DUSP15: variants seen among roughly 807,000 people sequenced by gnomAD.
DUSP15 encodes the protein dual specificity phosphatase 15.
DUSP15 carries 23 observed loss-of-function variants against 26.3 expected under a neutral mutation model. The observed-to-expected ratio is 0.87, with a 90% confidence interval of 0.63 to 1.24. DUSP15 has a LOEUF of 1.24. Ranked by LOEUF, DUSP15 falls within the 50% of genes most tolerant of loss-of-function variation. DUSP15 has a pLI of 0.00. For missense variants in DUSP15, 364 were observed against 320.6 expected, an observed-to-expected ratio of 1.14 and a Z score of -1.03; for synonymous variants, 143 against 135.5, an observed-to-expected ratio of 1.06 and a Z score of -0.39.
intron 2 of DUSP15, among the ~76,000 whole-genome samples, chr20:31,869,358 GCTCC>G (rs2062857807): frequency 6.6e-6 from 1 of 152,196 alleles, no homozygotes; most frequent in African/African-American, 2.4e-5. Context: ...AGGCCCCCAT[GCTCC>G]CTCCATGTCC....
chr20:31,870,521 G>T lies in DUSP15; in HGVS notation c.-184C>A. The T allele has an allele frequency of 7.0e-7, 1 of 1,438,788 alleles. No homozygotes were observed. The highest frequency in any genetic ancestry group is 9.1e-7 in the Non-Finnish European group (1 of 1,099,370). 89.1% of individuals were successfully genotyped at this position (1,438,788 alleles called of 1,614,324 possible). On this transcript the variant is annotated 5_prime_UTR_variant, in exon 1 of 7. Coordinates refer to ENST00000339738, the MANE Select transcript of DUSP15 (RefSeq NM_080611.5). The surrounding 1 kb of genome is among the most constrained non-coding windows in gnomAD (Gnocchi z 6.6). ...CCGCCCGCCGACCCCCGGCCCGGGA[G>T]GGAAATGGTGGTGGAGCCGCCGCTG...
At chr20:31,846,017 G>T (rs1324098140), downstream of DUSP15, among the ~76,000 whole-genome samples, 1 of 151,912 alleles carries the variant, frequency 6.6e-6, no homozygotes. Flanking sequence ...AGACACAACG[G>T]ACAGAGACAC....
In DUSP15 at chr20:31,861,415, C is replaced by A. The variant is rs2062646771; in HGVS notation, c.696G>T (p.Lys232Asn). 2 of 1,558,690 alleles carry A rather than the reference C, an allele frequency of 1.3e-6. No individual in the cohort carries two copies. The highest frequency in any genetic ancestry group is 2.5e-5 in the East Asian group (1 of 40,728). The change falls in exon 7 of 7, where the codon AAG becomes AAT. Residue 232 changes from lysine (K) to asparagine (N), a missense_variant. Coordinates refer to ENST00000339738, the MANE Select transcript of DUSP15 (RefSeq NM_080611.5). The part of the protein sequence containing the change: ...FSCLPRCLSR[K>N]GGK ...CTGGACTGCATCCTCACTTGCCGCC[C>A]TTGCGGGACAGACACCGGGGGAGGC...
In DUSP15 at chr20:31,870,343, CG is replaced by C. The variant is rs1176073721; in HGVS notation, c.-7del. The C allele has an allele frequency of 7.8e-7, 1 of 1,275,714 alleles. No homozygotes were observed. The allele number at this position is 1,275,714 out of a possible 1,614,324, so 79.0% of individuals were successfully genotyped here. On this transcript the variant is annotated 5_prime_UTR_variant, in exon 1 of 7. Coordinates refer to ENST00000339738, the MANE Select transcript of DUSP15 (RefSeq NM_080611.5). The surrounding 1 kb of genome is among the most constrained non-coding windows in gnomAD (Gnocchi z 6.6). Reference sequence around the variant, plus strand: ...TTGGTCATGCCATTGCCCATGATCCCGGGGGCGGCGGTCCGGGTGCACCCCC... The same window carrying C: ...TTGGTCATGCCATTGCCCATGATCCCGGGGCGGCGGTCCGGGTGCACCCCC...
downstream of DUSP15, among the ~76,000 whole-genome samples, chr20:31,859,250 T>C (rs545894164): frequency 4.1e-4 from 59 of 145,552 alleles, no homozygotes; most frequent in Middle Eastern, 7.0e-3. Flanking sequence ...TTGGTGGGGG[T>C]CTCTGACCCC....
At chr20:31,848,432 C>T (rs1414038123) in exon 10 of DUSP15, 11 of 1,611,752 alleles carry the variant, frequency 6.8e-6, no homozygotes, top group African/African-American at 1.3e-5. Context: ...GGAAGCGGCT[C>T]GCTTAGGATG....
Position 31,867,062 on chromosome 20 carries a change from A to G in DUSP15, c.138+9T>C, listed in dbSNP as rs778136250. 9.5e-6 allele frequency: 15 copies of G among 1,574,112 alleles called. No homozygotes were observed. In the East Asian group the frequency reaches 3.5e-4, roughly 37 times the overall value. On this transcript the variant is annotated intron_variant, in intron 3 of 6. Coordinates refer to ENST00000339738, the MANE Select transcript of DUSP15 (RefSeq NM_080611.5). The stretch of plus-strand genomic sequence containing the variant: ...CCCCGCATAGCCCTGGGATGGGGGT[A>G]AGAAGTACCTGCAGCAGAGGCTGGG...
chr20:31,851,495 G>GT (rs1568660364), intron 6 of DUSP15, among the ~76,000 whole-genome samples: 1 of 151,928 alleles, frequency 6.6e-6, no homozygotes, highest in Admixed American at 6.5e-5. Context: ...AGAAGATGGG[G>GT]TGGCTGCAGA....
intron 5 of DUSP15, among the ~76,000 whole-genome samples, chr20:31,863,260 C>T (rs201167679): frequency 1.3e-5 from 2 of 152,188 alleles, no homozygotes; most frequent in East Asian, 3.9e-4. Context: ...AAGGGTTAGT[C>T]AGGAACCTTC....
Position 31,864,964 on chromosome 20 carries a change from A to T in DUSP15, c.177T>A (p.Pro59=). The T allele has an allele frequency of 1.9e-6, 3 of 1,613,488 alleles. No individual in the cohort carries two copies. Among genetic ancestry groups the T allele is most frequent in the Non-Finnish European group, 2.5e-6 (3 of 1,179,762 alleles). Residue 59 remains proline (P), a synonymous_variant, in exon 4 of 7, where the codon CCT becomes CCA. Transcript: ENST00000339738. The part of the protein sequence containing the change: ...TYLRIPVADT[P]EVPIKKHFKE... ...CCAGGGGAACTTACATGGGTACCTC[A>T]GGGGTATCAGCGACCGGGATGCGAA...
At chr20:31,847,314 G>A (rs1295056286), downstream of DUSP15, among the ~76,000 whole-genome samples, 1 of 152,182 alleles carries the variant, frequency 6.6e-6, no homozygotes, top group Non-Finnish European at 1.5e-5. Context: ...AGGGGCAGGG[G>A]TAGCGGAGAG....
At chr20:31,848,240 C>A in exon 10 of DUSP15, 3 of 647,220 alleles carry the variant, frequency 4.6e-6, no homozygotes, top group Middle Eastern at 4.2e-4. Context: ...GGCGGTGTGG[C>A]CTACTCTCGA....
At chr20:31,846,744 G>A (rs1282200902), downstream of DUSP15, among the ~76,000 whole-genome samples, 2 of 152,152 alleles carry the variant, frequency 1.3e-5, no homozygotes, top group African/African-American at 2.4e-5. Context: ...AGTGACTGGT[G>A]TGGGAAGGAC....
intron 7 of DUSP15, among the ~76,000 whole-genome samples, chr20:31,850,337 G>T (rs1395800693): frequency 6.6e-6 from 1 of 152,214 alleles, no homozygotes; most frequent in Non-Finnish European, 1.5e-5. Flanking sequence ...GCTTTCCCAG[G>T]GTTACCAGCT....
At position 31,870,046 on chromosome 20, in the gene DUSP15, A is replaced by C; in HGVS notation, c.21+271T>G. 1 of 1,283,138 alleles carries C rather than the reference A, an allele frequency of 7.8e-7. No homozygotes were observed. Among genetic ancestry groups the C allele is most frequent in the Non-Finnish European group, 9.8e-7 (1 of 1,016,586 alleles). 79.5% of individuals were successfully genotyped at this position (1,283,138 alleles called of 1,614,324 possible). On this transcript the variant is annotated intron_variant, in intron 1 of 6. Transcript: ENST00000339738. The surrounding 1 kb of genome is among the most constrained non-coding windows in gnomAD (Gnocchi z 6.6). ...CACATGCAGACGGAGAGCAGGACTC[A>C]CTGGGAGACAGCCTGGGAGTGACAG...
chr20:31,852,885 T>C (rs34355888), intron 6 of DUSP15, among the ~76,000 whole-genome samples: 65,416 of 152,134 alleles, frequency 0.43, 15,655 homozygotes, highest in East Asian at 0.59. Flanking sequence ...GGCGCTCTTG[T>C]TGAAGGCAGA....
chr20:31,853,577 C>T (rs2062510313), intron 6 of DUSP15, among the ~76,000 whole-genome samples: 1 of 151,734 alleles, frequency 6.6e-6, no homozygotes, highest in African/African-American at 2.4e-5. Flanking sequence ...GTCCTAGCTA[C>T]TTGGGAGAGT....
Position 31,861,430 on chromosome 20 carries a change from C to T in DUSP15, c.681G>A (p.Arg227=). The T allele has an allele frequency of 6.4e-7, 1 of 1,560,970 alleles. No individual in the cohort carries two copies. Among genetic ancestry groups the T allele is most frequent in the East Asian group, 2.4e-5 (1 of 41,148 alleles). The part of the protein sequence containing the change: ...RVKQTFSCLP[R]CLSRKGGK ...ACTTGCCGCCCTTGCGGGACAGACA[C>T]CGGGGGAGGCAAGAGAAAGTCTGCT... The change falls in exon 7 of 7, where the codon CGG becomes CGA. Residue 227 remains arginine (R), a synonymous_variant. Transcript: ENST00000339738.
Position 31,865,022 on chromosome 20 carries a change from T to C in DUSP15, c.139-20A>G. ...GATATCCTGCAAGTACAAAATACAC[T>C]CAGGCAGGGGACCTTGCCTGCAACC... On this transcript the variant is annotated intron_variant, in intron 3 of 6. Transcript: ENST00000339738. 1.2e-6 allele frequency: 2 copies of C among 1,613,842 alleles called. No individual in the cohort carries two copies. Among genetic ancestry groups the C allele is most frequent in the Middle Eastern group, 1.7e-4 (1 of 6,060 alleles).
Sources: allele counts gnomAD v4.1 joint callset (sites outside exome capture counted in the v4.1 genomes callset), GRCh38; gene constraint gnomAD v4.1.1; non-coding constraint Gnocchi (gnomAD v3.1); transcripts MANE v1.5; gene names NCBI Gene and HGNC (gene_info 2026-07-23, HGNC 2026-07-21).